Variants in FAM53B observed in about 807,000 individuals in gnomAD.
FAM53B encodes family with sequence similarity 53 member B, also known as protein FAM53B.
In FAM53B, 12 loss-of-function variants were observed where a neutral mutation model predicts 32.7. That is an observed-to-expected ratio of 0.37 (90% CI 0.24 to 0.59). The LOEUF (loss-of-function observed/expected upper bound fraction) is 0.59. Among genes scored for constraint, FAM53B ranks in the 20% least tolerant of loss-of-function variants. The pLI, the probability that FAM53B is intolerant of heterozygous loss-of-function variation, is 0.72. For synonymous variants in FAM53B, 234 were observed against 228.7 expected (o/e 1.02, Z -0.21); for missense variants, 477 against 577.7 (o/e 0.83, Z 1.79).
In FAM53B at chr10:124,732,895, G is replaced by A. The variant is rs1002015373; in HGVS notation, c.-175+11118C>T. ...AACTCATTTACCTGTGGACTATCAC[G>A]TACTCTCCTGAGCCCAAGGTGTCTG... On this transcript the variant is annotated intron_variant, in intron 1 of 4. Transcript: ENST00000337318. Among the ~76,000 whole-genome samples, 6 of 151,816 alleles carry A rather than the reference G, an allele frequency of 4.0e-5. No individual in the cohort carries two copies. The East Asian group carries it at 7.8e-4, about 20-fold the overall frequency.
chr10:124,672,111 C>T (rs1485900118), intron 4 of FAM53B, among the ~76,000 whole-genome samples: 1 of 152,232 alleles, frequency 6.6e-6, no homozygotes, highest in Non-Finnish European at 1.5e-5. Flanking sequence ...GACAGAGGCT[C>T]ATGCTGCCAA....
intron 4 of FAM53B, among the ~76,000 whole-genome samples, chr10:124,657,088 G>A (rs61042558): frequency 2.2e-5 from 2 of 89,970 alleles, no homozygotes; most frequent in African/African-American, 3.1e-5. Flanking sequence ...ATATGTGTGT[G>A]TATATATATG....
chr10:124,717,665 C>T (rs1359414836), intron 1 of FAM53B, among the ~76,000 whole-genome samples: 4 of 152,168 alleles, frequency 2.6e-5, no homozygotes, highest in Admixed American at 2.0e-4. Context: ...TCTTACATAT[C>T]CATGGGGTGA....
intron 1 of FAM53B, among the ~76,000 whole-genome samples, chr10:124,708,198 C>G (rs2134086890): frequency 6.6e-6 from 1 of 152,318 alleles, no homozygotes; most frequent in East Asian, 1.9e-4. Context: ...GTTTTAGAAT[C>G]TGCTGCTCTG....
intron 4 of FAM53B, among the ~76,000 whole-genome samples, chr10:124,632,331 C>T (rs1459102541): frequency 2.6e-5 from 4 of 152,264 alleles, no homozygotes. Flanking sequence ...CAGGACAGGA[C>T]TCGTGAAACC....
chr10:124,635,792 A>G (rs7074991), intron 4 of FAM53B, among the ~76,000 whole-genome samples: 151,555 of 152,264 alleles, frequency 1, 75,429 homozygotes, highest in Non-Finnish European at 1. Context: ...AGGGGACCCC[A>G]CAAAGTGGGT....
intron 4 of FAM53B, among the ~76,000 whole-genome samples, chr10:124,642,324 C>T (rs573066710): frequency 3.9e-4 from 59 of 152,340 alleles, no homozygotes; most frequent in African/African-American, 1.3e-3. Context: ...CGTGTGAACA[C>T]GTCCACAGTG....
intron 4 of FAM53B, among the ~76,000 whole-genome samples, chr10:124,668,852 G>C (rs1216793124): frequency 6.6e-6 from 1 of 152,256 alleles, no homozygotes; most frequent in Non-Finnish European, 1.5e-5. Context: ...TCAAGTATGG[G>C]CACTGATAGG....
intron 4 of FAM53B, among the ~76,000 whole-genome samples, chr10:124,656,527 G>C (rs1337770203): frequency 3.3e-5 from 5 of 152,212 alleles, no homozygotes; most frequent in African/African-American, 1.2e-4. Context: ...CCATGGCACA[G>C]ACCAATATTG....
chr10:124,703,465 C>G (rs931768578), intron 2 of FAM53B, among the ~76,000 whole-genome samples: 5 of 152,230 alleles, frequency 3.3e-5, no homozygotes, highest in South Asian at 4.1e-4. Flanking sequence ...ACACACTTCC[C>G]AAGACCCTCA....
At chr10:124,627,956 A>G (rs1949366373) in intron 4 of FAM53B, among the ~76,000 whole-genome samples, 1 of 152,230 alleles carries the variant, frequency 6.6e-6, no homozygotes. Context: ...GTACAAGCTG[A>G]AATACAGACC....
intron 1 of FAM53B, among the ~76,000 whole-genome samples, chr10:124,722,624 C>G (rs1950076206): frequency 6.6e-6 from 1 of 152,016 alleles, no homozygotes. Context: ...TTGAACCAAA[C>G]GAGATATTGA....
chr10:124,706,743 C>T lies in FAM53B; in HGVS notation c.-30G>A. 6.2e-7 allele frequency: 1 copy of T among 1,613,982 alleles called. No individual in the cohort carries two copies. The highest frequency in any genetic ancestry group is 8.5e-7 in the Non-Finnish European group (1 of 1,179,988). On this transcript the variant is annotated 5_prime_UTR_variant, in exon 2 of 5. Coordinates refer to ENST00000337318, the MANE Select transcript of FAM53B (RefSeq NM_014661.4). ...AGGGCCTCAGGCGCTGGGCTCCATC[C>T]CAGGGTGGGTATCAGCCATCTTCAC...
rs573179694 is a variant in FAM53B at position 124,705,404 on chromosome 10, C to A, written c.78+1232G>T. On this transcript the variant is annotated intron_variant, in intron 2 of 4. Transcript: ENST00000337318. ...GAGGCTGGACCCAACGGTTTCTAAG[C>A]CACTTCTTCTCACCCTTCAAGGCCA... Among the ~76,000 whole-genome samples the A allele has an allele frequency of 3.3e-5, 5 of 152,370 alleles. No individual in the cohort carries two copies. In the East Asian group the frequency reaches 5.8e-4, roughly 18 times the overall value.
At chr10:124,680,407 T>G (rs749992038) in intron 4 of FAM53B, among the ~76,000 whole-genome samples, 1 of 152,322 alleles carries the variant, frequency 6.6e-6, no homozygotes, top group East Asian at 1.9e-4. Context: ...TTAAGACACC[T>G]GCACCTCTTC....
At chr10:124,688,347 T>C (rs973608139) in intron 3 of FAM53B, among the ~76,000 whole-genome samples, 1 of 152,236 alleles carries the variant, frequency 6.6e-6, no homozygotes, top group South Asian at 2.1e-4. Context: ...CCTGTTGCTT[T>C]AGCCTTTAGG....
At chr10:124,725,929 T>G (rs1303353827) in intron 1 of FAM53B, among the ~76,000 whole-genome samples, 2 of 152,074 alleles carry the variant, frequency 1.3e-5, no homozygotes, top group South Asian at 4.1e-4. Flanking sequence ...CCAACCCACA[T>G]CCTTGCTGGG....
At chr10:124,710,307 C>T (rs907208211) in intron 1 of FAM53B, among the ~76,000 whole-genome samples, 3 of 152,240 alleles carry the variant, frequency 2.0e-5, no homozygotes, top group African/African-American at 7.2e-5. Flanking sequence ...CCCTTTGCAA[C>T]ACCTACCACG....
intron 4 of FAM53B, among the ~76,000 whole-genome samples, chr10:124,666,791 G>C (rs1037180468): frequency 3.3e-5 from 5 of 152,224 alleles, no homozygotes; most frequent in African/African-American, 1.2e-4. Flanking sequence ...AGCCCCACGA[G>C]GAGGGTGGAG....
Sources: allele counts gnomAD v4.1 joint callset (sites outside exome capture counted in the v4.1 genomes callset), GRCh38; gene constraint gnomAD v4.1.1; transcripts MANE v1.5; gene names NCBI Gene and HGNC (gene_info 2026-07-23, HGNC 2026-07-21).